The following A2ML1 variants were observed in gnomAD, a reference collection of about 807,000 sequenced individuals.
A2ML1 encodes the protein alpha-2-macroglobulin-like protein 1.
A2ML1 carries 161 observed loss-of-function variants against 181.9 expected under a neutral mutation model. The ratio of observed to expected loss-of-function variants is 0.89; its 90% CI spans 0.78 to 1.01. The LOEUF is 1.01. A2ML1 is among the 50% of genes least tolerant of loss of function. A2ML1 has a pLI of 0.00. For synonymous variants in A2ML1, 663 were observed against 666.8 expected, an observed-to-expected ratio of 0.99 and a Z score of 0.09; for missense variants, 1,670 against 1,768.1, an observed-to-expected ratio of 0.94 and a Z score of 1.00.
intron 7 of A2ML1, among the ~76,000 whole-genome samples, chr12:8,884,709 T>C (rs947803384): frequency 2.0e-5 from 3 of 152,196 alleles, no homozygotes; most frequent in Non-Finnish European, 4.4e-5. Context: ...TGCACCACCA[T>C]GCCTGGCTAA....
In A2ML1 at chr12:8,846,275, C is replaced by G. The variant is rs1451560004; in HGVS notation, c.1683+53C>G. 5 of 1,601,756 alleles carry G rather than the reference C, an allele frequency of 3.1e-6. No individual in the cohort carries two copies. In the Admixed American group the frequency reaches 8.4e-5, roughly 27 times the overall value. On this transcript the variant is annotated intron_variant, in intron 14 of 35. Coordinates refer to ENST00000299698, the MANE Select transcript of A2ML1 (RefSeq NM_144670.6). Reference sequence around the variant, plus strand: ...ATAAAAGTTGGGCATAGAGAAAGATCTTGTGTGTGCTGCGGTTGGAAACAA... The same window carrying G: ...ATAAAAGTTGGGCATAGAGAAAGATGTTGTGTGTGCTGCGGTTGGAAACAA...
At position 8,852,954 on chromosome 12, in the gene A2ML1, C is replaced by T. The variant is rs1943941884; in HGVS notation, c.2590+618C>T. Among the ~76,000 whole-genome samples the T allele has an allele frequency of 6.6e-6, 1 of 152,170 alleles. No individual in the cohort carries two copies. On this transcript the variant is annotated intron_variant, in intron 20 of 35. Coordinates refer to ENST00000299698, the MANE Select transcript of A2ML1 (RefSeq NM_144670.6). The surrounding 1 kb of genome is among the most constrained non-coding windows in gnomAD (Gnocchi z 4.2). ...CAGGTGACCTGCCTGCCTCGGCCTC[C>T]CAAAGTGCTGGGATTACAGGCGTGA...
In A2ML1 at chr12:8,851,902, A is replaced by G. The variant is rs761907192; in HGVS notation, c.2353A>G (p.Thr785Ala). ...GFGLSPTVGL[T>A]AFKPFFVDLT... ...CGGGCTTTCACCCACTGTTGGACTA[A>G]CTGCTTTCAAGCCGTTCTTTGTTGA... is the stretch of plus-strand genomic sequence containing the variant. The change falls in exon 19 of 36, where the codon ACT (threonine) becomes GCT (alanine). Residue 785 changes from threonine (T) to alanine (A), a missense_variant. Physicochemically the swap from Thr to Ala is moderately conservative, Grantham distance 58. Transcript: ENST00000299698. 2 of 1,614,156 alleles carry G rather than the reference A, an allele frequency of 1.2e-6. No individual in the cohort carries two copies. Among genetic ancestry groups the G allele is most frequent in the South Asian group, 2.2e-5 (2 of 91,080 alleles).
chr12:8,845,081 C>T, intron 12 of A2ML1: 1 of 1,443,008 alleles, frequency 6.9e-7, no homozygotes, highest in South Asian at 1.5e-5. Flanking sequence ...TTAAAAAACA[C>T]TTATGAGGAT....
chr12:8,859,423 C>T (rs1293430577), intron 26 of A2ML1, among the ~76,000 whole-genome samples: 2 of 152,076 alleles, frequency 1.3e-5, no homozygotes, highest in East Asian at 1.9e-4. Context: ...CGCAGTGGCT[C>T]ATGCTTGTAA....
chr12:8,884,228 TTTG>T (rs1398248526), intron 7 of A2ML1, among the ~76,000 whole-genome samples: 1 of 144,276 alleles, frequency 6.9e-6, no homozygotes, highest in Non-Finnish European at 1.5e-5. Context: ...TTTTTTATTT[TTTG>T]TTTTTTTTTG....
At chr12:8,868,713 G>A in intron 32 of A2ML1, 86 bp downstream of exon 32, 1 of 971,782 alleles carries the variant, frequency 1.0e-6, no homozygotes, top group East Asian at 2.5e-5. Context: ...GGGCATCATG[G>A]CGTGTATACA....
Position 8,860,913 on chromosome 12 carries a change from G to A in A2ML1, c.3297G>A (p.Ala1099=), listed in dbSNP as rs201278545. 4.9e-5 allele frequency: 79 copies of A among 1,614,086 alleles called. No homozygotes were observed. The highest frequency in any genetic ancestry group is 2.2e-4 in the Admixed American group (13 of 60,016). The change falls in exon 27 of 36, where the codon GCG becomes GCA. Residue 1099 remains alanine (A), a synonymous_variant. Coordinates refer to ENST00000299698, the MANE Select transcript of A2ML1 (RefSeq NM_144670.6). ...GGVDDEVSLT[A]YVTAALLEMG... ...TTGATGATGAGGTCTCCTTGACTGC[G>A]TATGTCACAGCTGCATTGCTGGAGA... is the stretch of plus-strand genomic sequence containing the variant.
At chr12:8,859,963 A>G (rs149181258) in intron 26 of A2ML1, among the ~76,000 whole-genome samples, 4 of 152,276 alleles carry the variant, frequency 2.6e-5, no homozygotes, top group African/African-American at 9.6e-5. Context: ...CCAGAGTTAA[A>G]TGTCCTGGGT....
chr12:8,880,275 A>C (rs1944858000), downstream of A2ML1, among the ~76,000 whole-genome samples: 4 of 152,204 alleles, frequency 2.6e-5, no homozygotes, highest in South Asian at 8.3e-4. Context: ...CTGAGGCATG[A>C]GAATTGCTTG....
At chr12:8,836,174 T>C (rs887043672) in intron 6 of A2ML1, 81 bp from the exon 7 acceptor site, 2 of 1,104,384 alleles carry the variant, frequency 1.8e-6, no homozygotes, top group Admixed American at 3.9e-5. Context: ...TAATTCTCAC[T>C]GTTTATACCC....
intron 29 of A2ML1, among the ~76,000 whole-genome samples, chr12:8,865,803 AG>A (rs1944406964): frequency 1.3e-5 from 2 of 152,356 alleles, no homozygotes; most frequent in Admixed American, 6.5e-5. Context: ...TGAAGAGAGT[AG>A]TCATTAATCT....
intron 12 of A2ML1, among the ~76,000 whole-genome samples, chr12:8,844,694 G>A (rs1943606064): frequency 6.6e-6 from 1 of 150,922 alleles, no homozygotes; most frequent in South Asian, 2.1e-4. Context: ...CAGTGTTGTC[G>A]TTAAGTGAAA....
intron 7 of A2ML1, among the ~76,000 whole-genome samples, chr12:8,882,853 T>G (rs182556962): frequency 4.9e-4 from 75 of 152,276 alleles, no homozygotes; most frequent in Admixed American, 1.0e-3. Context: ...CTTAAAACCC[T>G]TCAGGGGCTG....
intron 3 of A2ML1, among the ~76,000 whole-genome samples, chr12:8,825,816 G>T (rs1265921943): frequency 6.6e-6 from 1 of 152,084 alleles, no homozygotes; most frequent in East Asian, 1.9e-4. Context: ...TCTGCATATG[G>T]ATATCCAATT....
intron 31 of A2ML1, 63 bp downstream of exon 31, chr12:8,868,420 A>T (rs1267211823): frequency 2.5e-6 from 4 of 1,599,092 alleles, no homozygotes; most frequent in Non-Finnish European, 3.4e-6. Context: ...GAGCTGGGAC[A>T]CTTGTGTGTG....
intron 3 of A2ML1, 115 bp from the exon 4 acceptor site, chr12:8,829,612 G>A (rs1565462346): frequency 2.0e-6 from 2 of 984,388 alleles, no homozygotes; most frequent in Non-Finnish European, 3.0e-6. Context: ...CCACGGTTGT[G>A]CCACTGCACT....
At chr12:8,869,045 T>C (rs1944532121) in intron 32 of A2ML1, 90 bp from the exon 33 acceptor site, 1 of 1,277,170 alleles carries the variant, frequency 7.8e-7, no homozygotes, top group Non-Finnish European at 1.1e-6. Flanking sequence ...ACAGTATATA[T>C]TGTTTCCTTG....
intron 20 of A2ML1, 112 bp from the exon 21 acceptor site, chr12:8,854,016 G>A (rs1030854766): frequency 2.2e-6 from 3 of 1,344,528 alleles, no homozygotes; most frequent in Middle Eastern, 2.0e-4. Flanking sequence ...AGCAGAGTTT[G>A]CACTGTTGCA....
Sources: gnomAD v4.1 joint callset for allele counts (sites outside exome capture counted in the v4.1 genomes callset) on GRCh38, gnomAD v4.1.1 for gene constraint, Gnocchi (gnomAD v3.1) non-coding constraint, MANE v1.5 for transcripts, NCBI Gene and HGNC (gene_info 2026-07-23, HGNC 2026-07-21) for gene names.